IL1RAPL1: variants seen among roughly 807,000 people sequenced by gnomAD.
IL1RAPL1 encodes interleukin-1 receptor accessory protein-like 1.
A neutral mutation model predicts 48.4 loss-of-function variants in IL1RAPL1; 3 were observed. The ratio of observed to expected loss-of-function variants is 0.06; its 90% CI spans 0.03 to 0.16. The LOEUF is 0.16. Among genes scored for constraint, IL1RAPL1 ranks in the 10% least tolerant of loss-of-function variants. The probability of loss-of-function intolerance (pLI) is 1.00; values close to 1 mark genes in which losing one functional copy is unlikely to be tolerated. For missense variants in IL1RAPL1, 349 were observed against 530.6 expected (o/e 0.66, Z 3.36); for synonymous variants, 185 against 187.7 (o/e 0.99, Z 0.12).
At chrX:28,869,264 C>T (rs1334453912) in intron 2 of IL1RAPL1, among the ~76,000 whole-genome samples, 1 of 112,201 alleles carries the variant, frequency 8.9e-6, no homozygotes, top group Non-Finnish European at 1.9e-5. Context: ...GCCTCACTGC[C>T]ATCATATAAT....
intron 1 of IL1RAPL1, among the ~76,000 whole-genome samples, chrX:28,728,996 A>G (rs917278753): frequency 3.6e-5 from 4 of 112,181 alleles, no homozygotes; most frequent in Non-Finnish European, 7.5e-5. Flanking sequence ...TTTAAACTTA[A>G]AGGGAACTTT....
At chrX:29,355,794 T>C (rs1427518764) in intron 3 of IL1RAPL1, among the ~76,000 whole-genome samples, 1 of 112,003 alleles carries the variant, frequency 8.9e-6, no homozygotes, top group Non-Finnish European at 1.9e-5. Context: ...AAAATGTCTA[T>C]AGTAATATTT....
chrX:29,332,639 TA>T (rs1345761395), intron 3 of IL1RAPL1, among the ~76,000 whole-genome samples: 45 of 100,397 alleles, frequency 4.5e-4, no homozygotes, highest in African/African-American at 1.8e-3. Context: ...TTTATTTATT[TA>T]TTTATTTATT....
chrX:29,710,608 A>G (rs904932790), intron 6 of IL1RAPL1, among the ~76,000 whole-genome samples: 2 of 103,296 alleles, frequency 1.9e-5, no homozygotes, highest in South Asian at 4.1e-4. Context: ...GTGTGTGTGT[A>G]TATATATATA....
intron 6 of IL1RAPL1, among the ~76,000 whole-genome samples, chrX:29,764,931 T>G (rs776245733): frequency 1.8e-5 from 2 of 112,134 alleles, no homozygotes; most frequent in South Asian, 7.4e-4. Context: ...GATACTAAAC[T>G]AGGACAAGAG....
intron 6 of IL1RAPL1, among the ~76,000 whole-genome samples, chrX:29,776,356 T>G (rs1929197621): frequency 9.0e-6 from 1 of 111,268 alleles, no homozygotes; most frequent in Non-Finnish European, 1.9e-5. Context: ...TCCTCTAGCC[T>G]GTTGCTTTCC....
rs1160527555 is a variant in IL1RAPL1, at chrX:28,830,992, T to TTCTCTCTCTCTCTCTCTCTC, written c.82+41583_82+41602dup. ...AATTCTCCCAACCTTTGCCCAGGGTTTCTCTCTCTCTCTCTCTCTCTCTCT... is the reference window on the plus strand; with the variant it reads ...AATTCTCCCAACCTTTGCCCAGGGTTTCTCTCTCTCTCTCTCTCTCTCTCTCTCTCTCTCTCTCTCTCTCT... On this transcript the variant is annotated intron_variant, in intron 2 of 10. Transcript: ENST00000378993. Among the ~76,000 whole-genome samples the TTCTCTCTCTCTCTCTCTCTC allele has an allele frequency of 8.1e-4, 13 of 16,065 alleles. 1 individual carries two copies. Among genetic ancestry groups the TTCTCTCTCTCTCTCTCTCTC allele is most frequent in the East Asian group, 1.9e-3 (1 of 533 alleles). The allele number at this position is 16,065 out of a possible 115,157, so 14.0% of individuals were successfully genotyped here. A position where few individuals can be genotyped will look rare whatever the true frequency, so the allele number is the denominator to read the frequency against.
intron 6 of IL1RAPL1, among the ~76,000 whole-genome samples, chrX:29,915,560 TTC>T (rs985145713): frequency 1.1e-4 from 12 of 110,884 alleles, no homozygotes; most frequent in Non-Finnish European, 1.9e-4. Flanking sequence ...CATTCTGCTT[TTC>T]TCTGTGTTTA....
chrX:28,895,769 C>T (rs1015617993), intron 2 of IL1RAPL1, among the ~76,000 whole-genome samples: 11 of 111,160 alleles, frequency 9.9e-5, no homozygotes, highest in South Asian at 3.9e-4. Context: ...AAGAAGGGGA[C>T]GGACTTACCC....
chrX:28,803,594 C>T lies in IL1RAPL1; in HGVS notation c.82+14169C>T, dbSNP rs554691457. ...TTTCAAACGAAAGGCATATAATACA[C>T]CCCCCACACACGAAAATATTAGCAT... On this transcript the variant is annotated intron_variant, in intron 2 of 10. Transcript: ENST00000378993. Among the ~76,000 whole-genome samples, 3 of 111,717 alleles carry T rather than the reference C, an allele frequency of 2.7e-5. No individual in the cohort carries two copies. In the East Asian group the frequency reaches 8.4e-4, roughly 31 times the overall value.
chrX:29,801,063 A>C lies in IL1RAPL1; in HGVS notation c.779-116401A>C, dbSNP rs866123430. On this transcript the variant is annotated intron_variant, in intron 6 of 10. Coordinates refer to ENST00000378993, the MANE Select transcript of IL1RAPL1 (RefSeq NM_014271.4). ...TCCGTCTCAAAAAAAAAAAAAAAAA[A>C]AAAAAAAAAAAAAAAAACTCATCTT... Among the ~76,000 whole-genome samples, 209 of 89,629 alleles carry C rather than the reference A, an allele frequency of 2.3e-3. 8 individuals carry two copies. Among genetic ancestry groups the C allele is most frequent in the African/African-American group, 7.9e-3 (194 of 24,463 alleles). 77.8% of individuals were successfully genotyped at this position (89,629 alleles called of 115,157 possible). A position where few individuals can be genotyped will look rare whatever the true frequency, so the allele number is the denominator to read the frequency against.
At chrX:29,918,907 C>T in intron 7 of IL1RAPL1, among the ~76,000 whole-genome samples, 1 of 112,102 alleles carries the variant, frequency 8.9e-6, no homozygotes. Context: ...AAGTAAGTTA[C>T]AACCACATCA....
At chrX:28,801,555 A>T (rs1308066017) in intron 2 of IL1RAPL1, among the ~76,000 whole-genome samples, 2 of 111,927 alleles carry the variant, frequency 1.8e-5, no homozygotes, top group Non-Finnish European at 3.8e-5. Context: ...ACAGACAGCT[A>T]ATATTTACAC....
intron 1 of IL1RAPL1, among the ~76,000 whole-genome samples, chrX:28,672,117 A>G (rs1370711021): frequency 1.8e-5 from 2 of 112,268 alleles, no homozygotes; most frequent in Non-Finnish European, 3.8e-5. Flanking sequence ...GACAAATTAC[A>G]CTTTTAAATG....
At chrX:28,590,772 C>A (rs1318982402) in intron 1 of IL1RAPL1, among the ~76,000 whole-genome samples, 2 of 111,543 alleles carry the variant, frequency 1.8e-5, no homozygotes, top group Non-Finnish European at 3.8e-5. Context: ...TGTTACCAAG[C>A]AGGGCATAGG....
chrX:29,941,874 T>A (rs1933135197), intron 9 of IL1RAPL1, 80 bp downstream of exon 9: 1 of 906,327 alleles, frequency 1.1e-6, no homozygotes, highest in Non-Finnish European at 1.6e-6. Flanking sequence ...GGGAAAAAAA[T>A]TACGTGCATA....
At chrX:29,047,104 T>TA (rs1190037036) in intron 2 of IL1RAPL1, among the ~76,000 whole-genome samples, 2 of 112,005 alleles carry the variant, frequency 1.8e-5, no homozygotes, top group Non-Finnish European at 3.8e-5. Flanking sequence ...TACTTTTAAG[T>TA]AAAAAAATAA....
At chrX:29,619,165 G>A (rs889759192) in intron 5 of IL1RAPL1, among the ~76,000 whole-genome samples, 30 of 111,497 alleles carry the variant, frequency 2.7e-4, no homozygotes, top group Admixed American at 1.0e-3. Flanking sequence ...ATTCCCCTTC[G>A]ATTTAGTGCT....
intron 5 of IL1RAPL1, among the ~76,000 whole-genome samples, chrX:29,548,617 A>C (rs1429322942): frequency 1.8e-5 from 2 of 112,108 alleles, no homozygotes; most frequent in Non-Finnish European, 3.8e-5. Context: ...ATCAGCATGA[A>C]TCTTTACTCA....
Sources: gnomAD v4.1 joint callset for allele counts (sites outside exome capture counted in the v4.1 genomes callset) on GRCh38, gnomAD v4.1.1 for gene constraint, MANE v1.5 for transcripts, NCBI Gene and HGNC (gene_info 2026-07-23, HGNC 2026-07-21) for gene names.